Variants in PHEX observed in about 807,000 individuals in gnomAD.
PHEX encodes the protein phosphate-regulating neutral endopeptidase PHEX.
In PHEX, 16 loss-of-function variants were observed where a neutral mutation model predicts 68.0. The observed-to-expected ratio is 0.24, with a 90% CI of 0.16 to 0.36. The LOEUF (loss-of-function observed/expected upper bound fraction) is 0.36, where lower values mean the gene tolerates loss of function less well. Ranked by LOEUF, PHEX falls within the 10% of genes least tolerant of loss-of-function variation. PHEX has a pLI of 1.00. For missense variants in PHEX, 480 were observed against 575.5 expected, an observed-to-expected ratio of 0.83 and a Z score of 1.70; for synonymous variants, 208 against 205.1, an observed-to-expected ratio of 1.01 and a Z score of -0.12.
intron 12 of PHEX, among the ~76,000 whole-genome samples, chrX:22,150,271 G>T (rs780448117): frequency 1.8e-5 from 2 of 112,385 alleles, no homozygotes; most frequent in African/African-American, 6.5e-5. Context: ...TAAAAATGCA[G>T]ATTCTTAATA....
At chrX:22,101,219 TCA>T (rs750505492) in intron 9 of PHEX, among the ~76,000 whole-genome samples, 1 of 112,005 alleles carries the variant, frequency 8.9e-6, no homozygotes, top group South Asian at 3.8e-4. Context: ...CAAATCTCTT[TCA>T]CACAGTTTAT....
chrX:22,195,314 C>T (rs946280814), intron 15 of PHEX, among the ~76,000 whole-genome samples: 13 of 111,828 alleles, frequency 1.2e-4, no homozygotes, highest in African/African-American at 3.2e-4. Context: ...AGATCTTAGG[C>T]CGGGCATGGT....
At chrX:22,093,765 T>A (rs1355140829) in intron 6 of PHEX, among the ~76,000 whole-genome samples, 1 of 112,292 alleles carries the variant, frequency 8.9e-6, no homozygotes, top group Non-Finnish European at 1.9e-5. Context: ...GACATCTCTG[T>A]CTGTCATGGA....
chrX:22,230,010 C>T (rs1054732561), intron 20 of PHEX, among the ~76,000 whole-genome samples: 3 of 111,102 alleles, frequency 2.7e-5, no homozygotes, highest in African/African-American at 9.8e-5. Flanking sequence ...ATCCTTTCCC[C>T]ATTGCTTGTT....
At chrX:22,093,426 C>CT (rs775116274) in intron 6 of PHEX, among the ~76,000 whole-genome samples, 1 of 111,825 alleles carries the variant, frequency 8.9e-6, no homozygotes, top group Non-Finnish European at 1.9e-5. Flanking sequence ...CTCTTTTCTC[C>CT]TTTTTTTCCT....
intron 12 of PHEX, among the ~76,000 whole-genome samples, chrX:22,159,951 A>T (rs1266174420): frequency 8.9e-6 from 1 of 112,366 alleles, no homozygotes; most frequent in African/African-American, 3.2e-5. Context: ...TTATGTGATG[A>T]TGATAACTTG....
chrX:22,076,196 CTG>C (rs752209747), intron 3 of PHEX, among the ~76,000 whole-genome samples, 190 bp from the exon 4 acceptor site: 5 of 112,341 alleles, frequency 4.5e-5, no homozygotes, highest in Non-Finnish European at 9.4e-5. Context: ...GAATGTAAAA[CTG>C]TTTTTATTTG....
At chrX:22,241,358 T>G (rs1936186416) in intron 20 of PHEX, among the ~76,000 whole-genome samples, 1 of 111,221 alleles carries the variant, frequency 9.0e-6, no homozygotes, top group South Asian at 3.8e-4. Context: ...AACATCACAA[T>G]TAAAAGTACT....
chrX:22,087,080 A>G (rs778161086), intron 5 of PHEX, among the ~76,000 whole-genome samples: 1 of 112,074 alleles, frequency 8.9e-6, no homozygotes, highest in Non-Finnish European at 1.9e-5. Flanking sequence ...AGAAACCATA[A>G]CAATCTGAAA....
At chrX:22,222,245 A>T (rs1935292946) in intron 18 of PHEX, among the ~76,000 whole-genome samples, 1 of 111,700 alleles carries the variant, frequency 9.0e-6, no homozygotes, top group Non-Finnish European at 1.9e-5. Flanking sequence ...TACAACTGTG[A>T]CATGAGAAGA....
At chrX:22,172,588 G>T (rs1360161680) in intron 13 of PHEX, 1 of 110,834 alleles carries the variant, frequency 9.0e-6, no homozygotes, top group African/African-American at 3.3e-5. Context: ...GAAAAGGGAG[G>T]GAGTAGAGGG....
At chrX:22,154,551 A>G (rs1932910454) in intron 12 of PHEX, among the ~76,000 whole-genome samples, 1 of 111,677 alleles carries the variant, frequency 9.0e-6, no homozygotes, top group South Asian at 3.7e-4. Context: ...TTTAGTGGGT[A>G]GCAGCCAGGA....
At chrX:22,194,166 A>G (rs1178241846) in intron 15 of PHEX, among the ~76,000 whole-genome samples, 1 of 112,016 alleles carries the variant, frequency 8.9e-6, no homozygotes, top group South Asian at 3.8e-4. Context: ...GGTTTCATGA[A>G]AGCTCATGGG....
At chrX:22,104,201 T>C (rs1930562592) in intron 9 of PHEX, among the ~76,000 whole-genome samples, 2 of 112,047 alleles carry the variant, frequency 1.8e-5, no homozygotes, top group South Asian at 3.7e-4. Flanking sequence ...TCCCTTCTTA[T>C]ATTACTCCCA....
intron 14 of PHEX, among the ~76,000 whole-genome samples, chrX:22,185,936 A>G (rs2147134797): frequency 9.1e-6 from 1 of 110,174 alleles, no homozygotes; most frequent in Admixed American, 9.6e-5. Context: ...TTGTAGTTTT[A>G]GTACAGACAG....
At chrX:22,211,415 G>T (rs1934919334) in intron 15 of PHEX, among the ~76,000 whole-genome samples, 1 of 112,003 alleles carries the variant, frequency 8.9e-6, no homozygotes, top group Non-Finnish European at 1.9e-5. Flanking sequence ...ATTAGCCTGA[G>T]TGTTACTTTT....
intron 5 of PHEX, among the ~76,000 whole-genome samples, chrX:22,085,688 T>C (rs1037954863): frequency 2.8e-4 from 31 of 112,239 alleles, no homozygotes; most frequent in African/African-American, 1.0e-3. Context: ...TTCTGCTTCT[T>C]TGAATTTGTG....
rs181993489 is a variant in PHEX at position 22,126,009 on chromosome X, T to G, written c.1303-7514T>G. Among the ~76,000 whole-genome samples the G allele has an allele frequency of 2.0e-3, 226 of 111,988 alleles. 1 individual carries two copies. The highest frequency in any genetic ancestry group is 7.1e-3 in the African/African-American group (219 of 30,849). ...AACTCTGCTAGGTGCCAATTGAAGG[T>G]TTCAAAAAGCATAAATTGATCAGCT... On this transcript the variant is annotated intron_variant, in intron 11 of 21. Coordinates refer to ENST00000379374, the MANE Select transcript of PHEX (RefSeq NM_000444.6).
At chrX:22,045,979 G>A (rs181666965) in intron 2 of PHEX, among the ~76,000 whole-genome samples, 1 of 112,501 alleles carries the variant, frequency 8.9e-6, no homozygotes, top group Non-Finnish European at 1.9e-5. Context: ...TCACTGTGAG[G>A]CAAACCACCC....
Sources: gnomAD v4.1 joint callset for allele counts (sites outside exome capture counted in the v4.1 genomes callset) on GRCh38, gnomAD v4.1.1 for gene constraint, MANE v1.5 for transcripts, NCBI Gene and HGNC (gene_info 2026-07-23, HGNC 2026-07-21) for gene names.